The following STARD9 variants were observed in gnomAD, a reference collection of about 807,000 sequenced individuals.
The protein encoded by STARD9 is stAR-related lipid transfer protein 9.
A neutral mutation model predicts 399.8 loss-of-function variants in STARD9; 346 were observed. The observed-to-expected ratio is 0.87, with a 90% CI of 0.79 to 0.95. The LOEUF (loss-of-function observed/expected upper bound fraction) is 0.95, where lower values mean the gene tolerates loss of function less well. Among genes scored for constraint, STARD9 ranks in the 40% least tolerant of loss-of-function variants. The probability of loss-of-function intolerance (pLI) is 0.00; values close to 1 mark genes in which losing one functional copy is unlikely to be tolerated. For missense variants in STARD9, 5,832 were observed against 5,667.5 expected, an observed-to-expected ratio of 1.03 and a Z score of -0.93; for synonymous variants, 2,203 against 2,143.5, an observed-to-expected ratio of 1.03 and a Z score of -0.77.
At position 42,663,443 on chromosome 15, in the gene STARD9, T is replaced by C; in HGVS notation, c.1031T>C (p.Leu344Pro). Residue 344 changes from leucine (L) to proline (P), a missense_variant, in exon 12 of 33, where the codon CTG (leucine) becomes CCG (proline). Leu to Pro is a moderately conservative substitution (Grantham distance 98). Around this residue, in one of 2 missense-constraint regions of STARD9, gnomAD observed 5,828 missense variants for 5,651.1 expected, o/e 1.03. Coordinates refer to ENST00000290607, the MANE Select transcript of STARD9 (RefSeq NM_020759.3). ...TACCGAGACTCTGTGTTGACCTGGC[T>C]GCTGAAGGACAGCCTTGGAGGCAAC... ...IPYRDSVLTW[L>P]LKDSLGGNSK... 1 of 1,537,310 alleles carries C rather than the reference T, an allele frequency of 6.5e-7. No homozygotes were observed. Among genetic ancestry groups the C allele is most frequent in the Non-Finnish European group, 8.7e-7 (1 of 1,146,914 alleles).
chr15:42,657,425 T>C, intron 9 of STARD9, among the ~76,000 whole-genome samples: 1 of 149,904 alleles, frequency 6.7e-6, no homozygotes. Context: ...TGATAAAGGG[T>C]CAGTCAGTAC....
rs557418291 is a variant in STARD9, at chr15:42,607,353, C to T, written c.234+21716C>T. On this transcript the variant is annotated intron_variant, in intron 3 of 32. Coordinates refer to ENST00000290607, the MANE Select transcript of STARD9 (RefSeq NM_020759.3). ...GAGTAGCTGGGACTACAGGCATGCA[C>T]CACCATGCGCGGCTAATTTTTATAT... Among the ~76,000 whole-genome samples the T allele has an allele frequency of 2.6e-5, 4 of 151,832 alleles. No homozygotes were observed. The South Asian group carries it at 8.3e-4, about 32-fold the overall frequency.
chr15:42,598,018 G>GTGTGTA (rs2058547466), intron 3 of STARD9, among the ~76,000 whole-genome samples: 1 of 148,726 alleles, frequency 6.7e-6, no homozygotes, highest in African/African-American at 2.5e-5. Flanking sequence ...GTGTGTGTGT[G>GTGTGTA]TGTGTGTGTG....
chr15:42,704,740 G>A (rs2061039725), intron 26 of STARD9, among the ~76,000 whole-genome samples: 1 of 152,214 alleles, frequency 6.6e-6, no homozygotes, highest in African/African-American at 2.4e-5. Flanking sequence ...TGTGGGCTTG[G>A]TACTGGGTTC....
At chr15:42,614,342 A>G (rs943361308) in intron 3 of STARD9, among the ~76,000 whole-genome samples, 4 of 152,062 alleles carry the variant, frequency 2.6e-5, no homozygotes, top group African/African-American at 7.2e-5. Flanking sequence ...TTTTAAGTGG[A>G]CAAGAAAAAG....
At chr15:42,597,410 C>A (rs1197411951) in intron 3 of STARD9, among the ~76,000 whole-genome samples, 2 of 152,132 alleles carry the variant, frequency 1.3e-5, no homozygotes, top group Non-Finnish European at 2.9e-5. Context: ...CTGTGTCACC[C>A]AGGCTGGAGT....
At chr15:42,663,760 GTGATTAAGAGCTGGGATGGA>G in intron 12 of STARD9, 40 bp from the exon 13 acceptor site, 1 of 1,258,886 alleles carries the variant, frequency 7.9e-7, no homozygotes, top group Non-Finnish European at 1.1e-6. Context: ...AACAAGGCAA[GTGATTAAGAGCTGGGATGGA>G]TGGGCTGGCA....
chr15:42,581,463 T>TGGCCGCTGCC, intron 1 of STARD9: 1 of 1,530,164 alleles, frequency 6.5e-7, no homozygotes, highest in Non-Finnish European at 9.0e-7. Context: ...GCTGGGCTGG[T>TGGCCGCTGCC]GGCCGCTGCC....
chr15:42,618,938 A>G (rs920130409), intron 3 of STARD9, among the ~76,000 whole-genome samples: 1 of 151,610 alleles, frequency 6.6e-6, no homozygotes, highest in Non-Finnish European at 1.5e-5. Context: ...ATCTTTTCCT[A>G]TCTTAATCTG....
At position 42,674,458 on chromosome 15, in the gene STARD9, G is replaced by C; in HGVS notation, c.1516G>C (p.Gly506Arg). The change falls in exon 17 of 33, where the codon GGA becomes CGA. Residue 506 changes from glycine (G) to arginine (R), a missense_variant. Gly to Arg is a moderately radical substitution (Grantham distance 125, BLOSUM62 -2). Coordinates refer to ENST00000290607, the MANE Select transcript of STARD9 (RefSeq NM_020759.3). ...YHLKEGTTKI[G>R]RIDSDQEQDI... ...CCTTTAGGAAGGGACAACAAAAATA[G>C]GAAGGATTGACTCAGACCAGGAACA... is the stretch of plus-strand genomic sequence containing the variant. 2.0e-6 allele frequency: 3 copies of C among 1,537,154 alleles called. No individual in the cohort carries two copies. Among genetic ancestry groups the C allele is most frequent in the Non-Finnish European group, 2.6e-6 (3 of 1,146,836 alleles).
rs910919086 is a variant in STARD9, at chr15:42,696,013, C to T, written c.13284+133C>T. 1.1e-5 allele frequency: 10 copies of T among 907,484 alleles called. No individual in the cohort carries two copies. In the African/African-American group the frequency reaches 1.6e-4, roughly 14 times the overall value. 56.2% of individuals were successfully genotyped at this position (907,484 alleles called of 1,614,324 possible). A position where few individuals can be genotyped will look rare whatever the true frequency, so the allele number is the denominator to read the frequency against. ...GAGGCCACTGCTGACATGAGCCCTT[C>T]TTATGTGCAGGCCTTTGGTTTTCCA... On this transcript the variant is annotated intron_variant, in intron 26 of 32. Transcript: ENST00000290607.
At chr15:42,650,025 C>T (rs1041528759) in intron 7 of STARD9, among the ~76,000 whole-genome samples, 3 of 152,008 alleles carry the variant, frequency 2.0e-5, no homozygotes, top group Admixed American at 2.0e-4. Context: ...CACCAACACA[C>T]CCAGCTAATT....
chr15:42,607,820 C>G (rs2058768397), intron 3 of STARD9, among the ~76,000 whole-genome samples: 1 of 152,108 alleles, frequency 6.6e-6, no homozygotes, highest in Non-Finnish European at 1.5e-5. Context: ...CATAGAAGTA[C>G]TTACACAGTA....
In STARD9 at chr15:42,684,627, C is replaced by T; in HGVS notation, c.3049C>T (p.Gln1017Ter). 5 of 1,537,188 alleles carry T rather than the reference C, an allele frequency of 3.3e-6. No individual in the cohort carries two copies. Among genetic ancestry groups the T allele is most frequent in the Non-Finnish European group, 4.4e-6 (5 of 1,146,900 alleles). The change falls in exon 23 of 33, where the codon CAG becomes TAG. Residue 1017 changes from glutamine to a stop codon, truncating the protein, a stop_gained. Coordinates refer to ENST00000290607, the MANE Select transcript of STARD9 (RefSeq NM_020759.3). LOFTEE classifies it high-confidence loss of function. ...CNSLYPHGPRQTAGHGKAVKT... is the reference protein window; with the variant it reads ...CNSLYPHGPR ...TTCCTTGTATCCTCATGGACCCAGG[C>T]AGACTGCTGGGCACGGAAAGGCAGT... is the stretch of plus-strand genomic sequence containing the variant.
chr15:42,706,386 T>G (rs1408149863), intron 26 of STARD9, among the ~76,000 whole-genome samples: 1 of 152,132 alleles, frequency 6.6e-6, no homozygotes, highest in East Asian at 1.9e-4. Context: ...TTTGCATCTA[T>G]TTTTTTGGTT....
chr15:42,698,172 T>C (rs984632442), intron 26 of STARD9, among the ~76,000 whole-genome samples: 2 of 152,228 alleles, frequency 1.3e-5, no homozygotes, highest in African/African-American at 4.8e-5. Context: ...CTTTCAGACT[T>C]TTGCTGTTAT....
rs2058163232 is a variant in STARD9, at chr15:42,581,285, AG to A, written c.48-2060del. 12 of 1,057,556 alleles carry A rather than the reference AG, an allele frequency of 1.1e-5. No homozygotes were observed. The South Asian group carries it at 1.4e-4, about 12-fold the overall frequency. The allele number at this position is 1,057,556 out of a possible 1,614,324, so 65.5% of individuals were successfully genotyped here. A position where few individuals can be genotyped will look rare whatever the true frequency, so the allele number is the denominator to read the frequency against. On this transcript the variant is annotated intron_variant, in intron 1 of 32. Coordinates refer to ENST00000290607, the MANE Select transcript of STARD9 (RefSeq NM_020759.3). ...TTGGGCAGATGGCAGGTGGGGTCTG[AG>A]CCATGGAAGAACTGCGAAGATCCAA...
chr15:42,675,175 A>G (rs1256499078), intron 18 of STARD9, among the ~76,000 whole-genome samples: 4 of 152,136 alleles, frequency 2.6e-5, no homozygotes, highest in Admixed American at 6.5e-5. Flanking sequence ...TGAAATTTGT[A>G]CCTGTGTTAA....
chr15:42,578,400 C>T (rs1484332538), intron 1 of STARD9, among the ~76,000 whole-genome samples: 1 of 152,124 alleles, frequency 6.6e-6, no homozygotes, highest in African/African-American at 2.4e-5. Flanking sequence ...CCACGCCCAG[C>T]CTGACCCTCA....
Sources: gnomAD v4.1 joint callset for allele counts (sites outside exome capture counted in the v4.1 genomes callset) on GRCh38, gnomAD v4.1.1 for gene constraint, gnomAD v4.1.1 regional missense constraint, MANE v1.5 for transcripts, NCBI Gene and HGNC (gene_info 2026-07-23, HGNC 2026-07-21) for gene names.